PDE7A: variants seen among roughly 807,000 people sequenced by gnomAD.
PDE7A encodes the protein phosphodiesterase 7A.
PDE7A carries 39 observed loss-of-function variants against 64.3 expected under a neutral mutation model. The observed-to-expected ratio is 0.61, with a 90% CI of 0.47 to 0.79. The LOEUF is 0.79. Among genes scored for constraint, PDE7A ranks in the 30% least tolerant of loss-of-function variants. PDE7A has a pLI of 0.00. For synonymous variants in PDE7A, 203 were observed against 206.8 expected (o/e 0.98, Z 0.16); for missense variants, 470 against 582.8 (o/e 0.81, Z 1.99).
intron 7 of PDE7A, chr8:65,731,620 CAT>C (rs944121204): frequency 1.4e-4 from 21 of 152,256 alleles, no homozygotes; most frequent in African/African-American, 4.1e-4. Context: ...TTATAATCCA[CAT>C]GAGTTCAGCC....
chr8:65,768,827 GAAT>G (rs1307981918), intron 3 of PDE7A, among the ~76,000 whole-genome samples: 1 of 151,944 alleles, frequency 6.6e-6, no homozygotes. Context: ...TTCTGTGCTA[GAAT>G]AATAGATAAT....
chr8:65,832,319 ACTT>A (rs1361858368), intron 1 of PDE7A, among the ~76,000 whole-genome samples: 1 of 151,976 alleles, frequency 6.6e-6, no homozygotes, highest in African/African-American at 2.4e-5. Context: ...ACTATAATCT[ACTT>A]CATCATTTGT....
chr8:65,820,204 T>C (rs976661332), intron 1 of PDE7A, among the ~76,000 whole-genome samples: 2 of 152,204 alleles, frequency 1.3e-5, no homozygotes, highest in Non-Finnish European at 2.9e-5. Context: ...AAGACCAGCC[T>C]AGCCAACATG....
chr8:65,758,594 C>T (rs182060630), intron 3 of PDE7A, among the ~76,000 whole-genome samples: 22 of 152,316 alleles, frequency 1.4e-4, no homozygotes, highest in African/African-American at 4.8e-4. Flanking sequence ...AGTAAGCCAG[C>T]CCTTTGTGCT....
chr8:65,772,986 C>T (rs1009716695), intron 3 of PDE7A, among the ~76,000 whole-genome samples: 9 of 151,630 alleles, frequency 5.9e-5, no homozygotes, highest in Admixed American at 4.6e-4. Context: ...CCAGCCTGGG[C>T]GACAGATTGA....
intron 1 of PDE7A, among the ~76,000 whole-genome samples, chr8:65,814,788 T>G (rs1810355093): frequency 1.3e-5 from 2 of 152,074 alleles, no homozygotes; most frequent in African/African-American, 2.4e-5. Context: ...ACAGATCACC[T>G]GAGGTCAGGA....
intron 12 of PDE7A, among the ~76,000 whole-genome samples, chr8:65,719,987 A>G (rs960483875): frequency 1.3e-5 from 2 of 152,206 alleles, no homozygotes; most frequent in Non-Finnish European, 2.9e-5. Context: ...CATGACTACA[A>G]TTGGTCATTT....
At chr8:65,760,017 A>G (rs1489839562) in intron 3 of PDE7A, among the ~76,000 whole-genome samples, 1 of 152,170 alleles carries the variant, frequency 6.6e-6, no homozygotes, top group Non-Finnish European at 1.5e-5. Flanking sequence ...AGGCAGGCAG[A>G]TCACTTGAGG....
intron 1 of PDE7A, among the ~76,000 whole-genome samples, chr8:65,831,807 G>A (rs1810828621): frequency 6.6e-6 from 1 of 152,152 alleles, no homozygotes; most frequent in African/African-American, 2.4e-5. Context: ...GAACAGCTTT[G>A]CCAAAGATCT....
intron 6 of PDE7A, among the ~76,000 whole-genome samples, chr8:65,738,881 G>A (rs1807269520): frequency 6.6e-6 from 1 of 152,208 alleles, no homozygotes; most frequent in African/African-American, 2.4e-5. Context: ...AGCAATCTGT[G>A]GCCAATGTAA....
At position 65,754,942 on chromosome 8, in the gene PDE7A, C is replaced by T. The variant is rs1203388577; in HGVS notation, c.284-7139G>A. Among the ~76,000 whole-genome samples, 7 of 149,534 alleles carry T rather than the reference C, an allele frequency of 4.7e-5. No individual in the cohort carries two copies. In the East Asian group the frequency reaches 1.0e-3, roughly 22 times the overall value. ...ATCGCGCCACTGCACTCCAGCCTGG[C>T]GACAGAGCGAGACTCCCTCAAAAAA... On this transcript the variant is annotated intron_variant, in intron 3 of 12. Transcript: ENST00000401827.
At chr8:65,791,815 G>A (rs1809710003) in intron 1 of PDE7A, among the ~76,000 whole-genome samples, 2 of 152,118 alleles carry the variant, frequency 1.3e-5, no homozygotes, top group Admixed American at 1.3e-4. Context: ...AAAAATCTCA[G>A]GCAACACAGT....
rs1715742011 is a variant in PDE7A at position 65,781,358 on chromosome 8, G to A, written c.199+1425C>T. On this transcript the variant is annotated intron_variant, in intron 2 of 12. Transcript: ENST00000401827. ...GAACTGGTGGGGGTGGGGTGGAGAG[G>A]CAGTGGAGTCAGATCATGCTGGACC... Among the ~76,000 whole-genome samples, 4 of 152,246 alleles carry A rather than the reference G, an allele frequency of 2.6e-5. No individual in the cohort carries two copies. In the South Asian group the frequency reaches 8.3e-4, roughly 32 times the overall value.
chr8:65,735,150 C>T (rs1176153313), intron 6 of PDE7A, among the ~76,000 whole-genome samples: 1 of 152,166 alleles, frequency 6.6e-6, no homozygotes, highest in Non-Finnish European at 1.5e-5. Flanking sequence ...CATCAACCTA[C>T]TTGACAGCCC....
chr8:65,754,732 T>C (rs928938147), intron 3 of PDE7A, among the ~76,000 whole-genome samples: 1 of 150,352 alleles, frequency 6.7e-6, no homozygotes, highest in African/African-American at 2.4e-5. Flanking sequence ...TTTGGGAGGC[T>C]GAGGCGAGTG....
intron 1 of PDE7A, among the ~76,000 whole-genome samples, chr8:65,830,369 G>A (rs1810786743): frequency 6.6e-6 from 1 of 151,800 alleles, no homozygotes; most frequent in South Asian, 2.1e-4. Flanking sequence ...TTTTGATTAT[G>A]GATTATTTTG....
intron 1 of PDE7A, among the ~76,000 whole-genome samples, chr8:65,797,207 AC>A (rs1384835570): frequency 1.3e-5 from 2 of 152,162 alleles, no homozygotes; most frequent in Non-Finnish European, 2.9e-5. Context: ...CAAAGTCCTA[AC>A]CCCCAGGTGC....
rs901367613 is a variant in PDE7A at position 65,832,148 on chromosome 8, C to G, written c.138+9223G>C. ...ATTTCTTCCATGTGATTAAAGATTCCTCAAATTCTTCAAATCATTTTAGTG... is the reference window on the plus strand; with the variant it reads ...ATTTCTTCCATGTGATTAAAGATTCGTCAAATTCTTCAAATCATTTTAGTG... On this transcript the variant is annotated intron_variant, in intron 1 of 12. Coordinates refer to ENST00000401827, the MANE Select transcript of PDE7A (RefSeq NM_001242318.3). 2.0e-5 allele frequency among the ~76,000 whole-genome samples: 3 copies of G among 152,030 alleles called. 1 individual carries two copies. The highest frequency in any genetic ancestry group is 7.2e-5 in the African/African-American group (3 of 41,384).
At chr8:65,810,819 G>A (rs1010880959) in intron 1 of PDE7A, among the ~76,000 whole-genome samples, 12 of 151,900 alleles carry the variant, frequency 7.9e-5, no homozygotes, top group Non-Finnish European at 1.6e-4. Context: ...TAAGAAAAAG[G>A]TAAAACTGTT....
Sources: allele counts gnomAD v4.1 joint callset (sites outside exome capture counted in the v4.1 genomes callset), GRCh38; gene constraint gnomAD v4.1.1; transcripts MANE v1.5; gene names NCBI Gene and HGNC (gene_info 2026-07-23, HGNC 2026-07-21).